The following NKAIN2 variants were observed in gnomAD, a reference collection of about 807,000 sequenced individuals.
NKAIN2 encodes the protein sodium/potassium-transporting ATPase subunit beta-1-interacting protein 2.
Under a neutral mutation model 32.6 loss-of-function variants are expected in NKAIN2, and 14 were observed. The observed-to-expected ratio is 0.43, with a 90% CI of 0.28 to 0.67. The LOEUF is 0.67. Ranked by LOEUF, NKAIN2 falls within the 30% of genes least tolerant of loss-of-function variation. The pLI, the probability that NKAIN2 is intolerant of heterozygous loss-of-function variation, is 0.17. For synonymous variants in NKAIN2, 80 were observed against 87.2 expected (o/e 0.92, Z 0.46); for missense variants, 198 against 258.3 (o/e 0.77, Z 1.60).
intron 3 of NKAIN2, among the ~76,000 whole-genome samples, chr6:124,406,008 A>G (rs919166810): frequency 2.2e-5 from 2 of 90,272 alleles, no homozygotes; most frequent in African/African-American, 1.0e-4. Context: ...ATTCATTACC[A>G]CCACGGTGTG....
chr6:124,406,914 A>T (rs547611973), intron 3 of NKAIN2, among the ~76,000 whole-genome samples: 1 of 152,066 alleles, frequency 6.6e-6, no homozygotes, highest in South Asian at 2.1e-4. Flanking sequence ...TGCTTTGCCC[A>T]ATTTTTCTTG....
At chr6:123,859,272 G>A (rs1775687566) in intron 1 of NKAIN2, among the ~76,000 whole-genome samples, 4 of 152,030 alleles carry the variant, frequency 2.6e-5, no homozygotes, top group Admixed American at 2.0e-4. Context: ...TAGACTGTAT[G>A]GAAAGCAAAT....
intron 3 of NKAIN2, among the ~76,000 whole-genome samples, chr6:124,655,713 G>A (rs534216576): frequency 6.6e-6 from 1 of 152,212 alleles, no homozygotes; most frequent in South Asian, 2.1e-4. Context: ...GTCCCTGTTT[G>A]CAATTATGAT....
At chr6:124,487,943 T>C (rs1038597588) in intron 3 of NKAIN2, among the ~76,000 whole-genome samples, 3 of 152,104 alleles carry the variant, frequency 2.0e-5, no homozygotes, top group Non-Finnish European at 4.4e-5. Context: ...AGTGACTTTG[T>C]TTTTCTAACT....
Position 124,574,058 on chromosome 6 carries a change from TG to T in NKAIN2, c.274-84123del, listed in dbSNP as rs34462890. Among the ~76,000 whole-genome samples, 333 of 152,140 alleles carry T rather than the reference TG, an allele frequency of 2.2e-3. 1 individual carries two copies. The highest frequency in any genetic ancestry group is 3.5e-3 in the Non-Finnish European group (241 of 68,000). On this transcript the variant is annotated intron_variant, in intron 3 of 6. Transcript: ENST00000368417. The stretch of plus-strand genomic sequence containing the variant: ...CATTGACATGCACAATCTTAGGCAT[TG>T]GGGGCAATTTTTAAAAAAAGAAGTG...
intron 3 of NKAIN2, among the ~76,000 whole-genome samples, chr6:124,377,364 T>C (rs892791175): frequency 2.0e-5 from 3 of 152,210 alleles, no homozygotes; most frequent in Admixed American, 1.3e-4. Context: ...CCAGGTTTCC[T>C]AGTCATATAT....
rs1454037817 is a variant in NKAIN2, at chr6:124,238,446, ATGT to A, written c.55-44555_55-44553del. ...GCCAGTAATATACACTATTTTTGAAATGTTGTGGAAAAATAGAAGTCACATTCT... is the reference window on the plus strand; with the variant it reads ...GCCAGTAATATACACTATTTTTGAAATGTGGAAAAATAGAAGTCACATTCT... On this transcript the variant is annotated intron_variant, in intron 1 of 6. Coordinates refer to ENST00000368417, the MANE Select transcript of NKAIN2 (RefSeq NM_001040214.3). Among the ~76,000 whole-genome samples the A allele has an allele frequency of 4.6e-5, 7 of 152,154 alleles. No individual in the cohort carries two copies. In the South Asian group the frequency reaches 1.0e-3, roughly 22 times the overall value.
intron 4 of NKAIN2, among the ~76,000 whole-genome samples, chr6:124,707,688 G>A (rs1775173636): frequency 6.6e-6 from 1 of 151,604 alleles, no homozygotes; most frequent in Non-Finnish European, 1.5e-5. Flanking sequence ...TGATGGGGTT[G>A]TTTGTTTTTT....
At chr6:124,155,382 G>C (rs925466445) in intron 1 of NKAIN2, among the ~76,000 whole-genome samples, 4 of 151,912 alleles carry the variant, frequency 2.6e-5, no homozygotes, top group African/African-American at 9.7e-5. Flanking sequence ...TCTGATCGCT[G>C]TACATCATAT....
At chr6:124,114,424 T>A (rs1482573351) in intron 1 of NKAIN2, among the ~76,000 whole-genome samples, 1 of 152,046 alleles carries the variant, frequency 6.6e-6, no homozygotes, top group Non-Finnish European at 1.5e-5. Flanking sequence ...AAAAATTCAG[T>A]ATTAGGTGTG....
chr6:124,053,119 G>T lies in NKAIN2; in HGVS notation c.55-229886G>T, dbSNP rs144370292. Among the ~76,000 whole-genome samples the T allele has an allele frequency of 1.8e-3, 279 of 151,724 alleles. 2 individuals carry two copies. Among genetic ancestry groups the T allele is most frequent in the Middle Eastern group, 0.017 (5 of 294 alleles). Reference sequence around the variant, plus strand: ...ATTTTAACTTATATTTTAATTTCAGGGGTCAATGTGCAGGATTGTTACATA... The same window carrying T: ...ATTTTAACTTATATTTTAATTTCAGTGGTCAATGTGCAGGATTGTTACATA... On this transcript the variant is annotated intron_variant, in intron 1 of 6. Coordinates refer to ENST00000368417, the MANE Select transcript of NKAIN2 (RefSeq NM_001040214.3).
chr6:123,982,498 C>G (rs1778944517), intron 1 of NKAIN2, among the ~76,000 whole-genome samples: 1 of 152,026 alleles, frequency 6.6e-6, no homozygotes, highest in Admixed American at 6.6e-5. Flanking sequence ...CAAGGATACC[C>G]ATTTCATTAT....
At chr6:124,211,342 A>G (rs1468715829) in intron 1 of NKAIN2, among the ~76,000 whole-genome samples, 1 of 151,908 alleles carries the variant, frequency 6.6e-6, no homozygotes, top group Non-Finnish European at 1.5e-5. Flanking sequence ...AAGGTGTTAC[A>G]TAACTGAAAT....
intron 4 of NKAIN2, among the ~76,000 whole-genome samples, chr6:124,755,061 G>A (rs1394620411): frequency 2.6e-5 from 4 of 152,152 alleles, no homozygotes; most frequent in Admixed American, 6.5e-5. Context: ...TCTGCAAGCT[G>A]GGGAAGAAAG....
At chr6:124,516,734 C>G (rs1216798989) in intron 3 of NKAIN2, among the ~76,000 whole-genome samples, 1 of 152,114 alleles carries the variant, frequency 6.6e-6, no homozygotes, top group Admixed American at 6.6e-5. Context: ...AATTAGACAC[C>G]TGCAGTAGAA....
At chr6:124,760,022 CTG>C (rs1008763357) in intron 4 of NKAIN2, among the ~76,000 whole-genome samples, 9 of 151,994 alleles carry the variant, frequency 5.9e-5, no homozygotes, top group African/African-American at 2.2e-4. Context: ...ACCTAGTTGA[CTG>C]TGTAACAGTG....
chr6:124,299,202 G>A (rs1796194841), intron 2 of NKAIN2, among the ~76,000 whole-genome samples: 1 of 152,194 alleles, frequency 6.6e-6, no homozygotes, highest in Admixed American at 6.5e-5. Context: ...AACAGCAGCA[G>A]TGTAAGAGAT....
At chr6:124,240,855 A>G (rs1313953758) in intron 1 of NKAIN2, among the ~76,000 whole-genome samples, 1 of 152,134 alleles carries the variant, frequency 6.6e-6, no homozygotes, top group African/African-American at 2.4e-5. Flanking sequence ...ACCCTCTCTC[A>G]CCACTCCTAT....
intron 3 of NKAIN2, chr6:124,391,058 G>T (rs1042833302): frequency 6.6e-6 from 1 of 152,010 alleles, no homozygotes; most frequent in Admixed American, 6.6e-5. Flanking sequence ...TTGCTTTCTT[G>T]CCCTGGTTTC....
Sources: gnomAD v4.1 joint callset for allele counts (sites outside exome capture counted in the v4.1 genomes callset) on GRCh38, gnomAD v4.1.1 for gene constraint, MANE v1.5 for transcripts, NCBI Gene and HGNC (gene_info 2026-07-23, HGNC 2026-07-21) for gene names.